The following NTRK3 variants were observed in gnomAD, a reference collection of about 807,000 sequenced individuals.
NTRK3 encodes NT-3 growth factor receptor.
Under a neutral mutation model 91.7 loss-of-function variants are expected in NTRK3, and 24 were observed. That is an observed-to-expected ratio of 0.26 (90% confidence interval 0.19 to 0.37). NTRK3 has a LOEUF of 0.37. Among genes scored for constraint, NTRK3 ranks in the 10% least tolerant of loss-of-function variants. NTRK3 has a pLI of 1.00. For synonymous variants in NTRK3, 483 were observed against 404.0 expected, an observed-to-expected ratio of 1.20 and a Z score of -2.34; for missense variants, 880 against 1,068.9, an observed-to-expected ratio of 0.82 and a Z score of 2.46.
At chr15:88,015,376 C>T (rs2077157567) in intron 14 of NTRK3, among the ~76,000 whole-genome samples, 1 of 152,138 alleles carries the variant, frequency 6.6e-6, no homozygotes, top group African/African-American at 2.4e-5. Context: ...TCTGGTCACT[C>T]ACCTCCAGCC....
chr15:88,026,533 TTCTG>T (rs1239636233), intron 14 of NTRK3, among the ~76,000 whole-genome samples: 3 of 152,158 alleles, frequency 2.0e-5, no homozygotes, highest in Non-Finnish European at 4.4e-5. Context: ...AGTGAAATTA[TTCTG>T]TCTGACATTG....
intron 14 of NTRK3, among the ~76,000 whole-genome samples, chr15:87,941,231 C>A (rs866521144): frequency 6.6e-6 from 1 of 152,082 alleles, no homozygotes; most frequent in African/African-American, 2.4e-5. Flanking sequence ...TTCCAGGGTA[C>A]GATTGAGAAT....
At chr15:87,888,253 C>T (rs1405932452) in intron 17 of NTRK3, among the ~76,000 whole-genome samples, 1 of 152,110 alleles carries the variant, frequency 6.6e-6, no homozygotes, top group Non-Finnish European at 1.5e-5. Context: ...ATTATTAAGA[C>T]CGTTTCTCAG....
chr15:88,179,343 A>T (rs932015082), intron 5 of NTRK3, among the ~76,000 whole-genome samples: 1 of 152,182 alleles, frequency 6.6e-6, no homozygotes, highest in African/African-American at 2.4e-5. Context: ...CTGGAAAGAG[A>T]ATCAGAGGAT....
intron 3 of NTRK3, among the ~76,000 whole-genome samples, chr15:88,216,299 G>T (rs2049761631): frequency 6.6e-6 from 1 of 152,184 alleles, no homozygotes; most frequent in South Asian, 2.1e-4. Flanking sequence ...AAATCAGATG[G>T]AATATCTTGC....
At chr15:87,919,643 A>G (rs1371639399) in intron 17 of NTRK3, among the ~76,000 whole-genome samples, 2 of 152,202 alleles carry the variant, frequency 1.3e-5, no homozygotes, top group Non-Finnish European at 2.9e-5. Flanking sequence ...TCATCCTTGG[A>G]AAAATACAAA....
intron 13 of NTRK3, among the ~76,000 whole-genome samples, chr15:88,061,011 A>G (rs532518025): frequency 6.6e-6 from 1 of 151,874 alleles, no homozygotes; most frequent in Non-Finnish European, 1.5e-5. Flanking sequence ...AAGAAAAAAA[A>G]GTTGTTTTTA....
intron 13 of NTRK3, among the ~76,000 whole-genome samples, chr15:88,067,325 A>G (rs1377560774): frequency 6.6e-6 from 1 of 152,184 alleles, no homozygotes; most frequent in Non-Finnish European, 1.5e-5. Context: ...TACAATAATT[A>G]TCTATGGTTT....
chr15:88,211,573 A>G (rs926936711), intron 3 of NTRK3, among the ~76,000 whole-genome samples: 2 of 152,266 alleles, frequency 1.3e-5, no homozygotes, highest in African/African-American at 2.4e-5. Context: ...GATGTAATAT[A>G]AAATAGCATA....
rs759134289 is a variant in NTRK3, at chr15:88,135,423, T to C, written c.908-26A>G. On this transcript the variant is annotated intron_variant, in intron 9 of 18. Coordinates refer to ENST00000394480, the Ensembl canonical transcript of NTRK3. The stretch of plus-strand genomic sequence containing the variant: ...CTGTCAAGGGAGAAGCCTGCTGAAA[T>C]CCAGGACACAGAGTCTACCACCTCC... The C allele has an allele frequency of 1.3e-5, 21 of 1,609,774 alleles. No homozygotes were observed. The East Asian group carries it at 4.5e-4, about 34-fold the overall frequency.
At chr15:88,217,401 T>C (rs890558810) in intron 3 of NTRK3, among the ~76,000 whole-genome samples, 3 of 152,238 alleles carry the variant, frequency 2.0e-5, no homozygotes, top group Non-Finnish European at 4.4e-5. Flanking sequence ...ATACACACCA[T>C]GGACTACTAT....
At chr15:88,180,989 C>A (rs547533356) in intron 5 of NTRK3, among the ~76,000 whole-genome samples, 49 of 152,302 alleles carry the variant, frequency 3.2e-4, no homozygotes, top group African/African-American at 6.0e-4. Context: ...CTCTCTGCGA[C>A]CCCCAGGCTC....
intron 18 of NTRK3, among the ~76,000 whole-genome samples, chr15:87,878,356 C>T (rs574479826): frequency 9.9e-5 from 15 of 152,270 alleles, no homozygotes; most frequent in South Asian, 2.1e-4. Context: ...TCTCATGTCA[C>T]GCTGACTTTG....
chr15:87,885,626 A>C (rs531741258), intron 17 of NTRK3, 68 bp downstream of exon 18: 21 of 829,546 alleles, frequency 2.5e-5, no homozygotes, highest in Middle Eastern at 2.3e-4. Context: ...TATATGAAAC[A>C]ATGGCTTAGT....
intron 14 of NTRK3, among the ~76,000 whole-genome samples, chr15:87,942,530 G>A (rs910990349): frequency 1.3e-5 from 2 of 152,176 alleles, no homozygotes; most frequent in African/African-American, 4.8e-5. Flanking sequence ...TGACACATAG[G>A]TTCTGCAAGG....
chr15:88,074,733 T>A (rs996563217), intron 13 of NTRK3, among the ~76,000 whole-genome samples: 3 of 152,158 alleles, frequency 2.0e-5, no homozygotes, highest in African/African-American at 7.2e-5. Flanking sequence ...ATTTCTACCA[T>A]CAAACTAGAG....
intron 13 of NTRK3, among the ~76,000 whole-genome samples, chr15:88,056,239 A>T (rs2045683721): frequency 6.7e-6 from 1 of 148,384 alleles, no homozygotes; most frequent in South Asian, 2.1e-4. Context: ...CATATGGAAG[A>T]GTTAAAGAAA....
intron 14 of NTRK3, among the ~76,000 whole-genome samples, chr15:87,990,712 T>C (rs759178539): frequency 6.6e-6 from 1 of 152,228 alleles, no homozygotes; most frequent in Admixed American, 6.5e-5. Context: ...CTTCAACATC[T>C]TCTGCCTTTG....
At chr15:88,052,778 C>T (rs2045342551) in intron 13 of NTRK3, among the ~76,000 whole-genome samples, 1 of 152,134 alleles carries the variant, frequency 6.6e-6, no homozygotes, top group Non-Finnish European at 1.5e-5. Flanking sequence ...TTTGCTAGCA[C>T]ATATGACAGG....
Sources: gnomAD v4.1 joint callset for allele counts (sites outside exome capture counted in the v4.1 genomes callset) on GRCh38, gnomAD v4.1.1 for gene constraint, MANE v1.5 for transcripts, NCBI Gene and HGNC (gene_info 2026-07-23, HGNC 2026-07-21) for gene names.